CFAP77: variants seen among roughly 807,000 people sequenced by gnomAD.
The protein encoded by CFAP77 is cilia and flagella associated protein 77.
Under a neutral mutation model 31.1 loss-of-function variants are expected in CFAP77, and 25 were observed. The ratio of observed to expected loss-of-function variants is 0.80; its 90% CI spans 0.59 to 1.12. The LOEUF (loss-of-function observed/expected upper bound fraction) is 1.12. Among genes scored for constraint, CFAP77 ranks in the 50% most tolerant of loss-of-function variants. The pLI, the probability that CFAP77 is intolerant of heterozygous loss-of-function variation, is 0.00. For synonymous variants in CFAP77, 151 were observed against 159.9 expected, an observed-to-expected ratio of 0.94 and a Z score of 0.42; for missense variants, 377 against 397.3, an observed-to-expected ratio of 0.95 and a Z score of 0.44.
chr9:132,465,089 A>G (rs934935400), intron 1 of CFAP77, among the ~76,000 whole-genome samples: 42 of 146,644 alleles, frequency 2.9e-4, no homozygotes, highest in East Asian at 1.5e-3. Context: ...AAAAAAAAAA[A>G]AAAAGAAAAA....
chr9:132,445,307 C>A (rs562475078), intron 1 of CFAP77, among the ~76,000 whole-genome samples: 1 of 152,136 alleles, frequency 6.6e-6, no homozygotes. Context: ...ATGAATCTGA[C>A]TACTCTAAGT....
At chr9:132,431,341 A>G (rs991867148) in intron 1 of CFAP77, among the ~76,000 whole-genome samples, 1 of 152,230 alleles carries the variant, frequency 6.6e-6, no homozygotes, top group Admixed American at 6.5e-5. Context: ...GTCAGTCACA[A>G]TGTCCAAGGC....
At chr9:132,469,943 G>A (rs1176604586) in intron 1 of CFAP77, among the ~76,000 whole-genome samples, 5 of 151,124 alleles carry the variant, frequency 3.3e-5, no homozygotes, top group East Asian at 3.9e-4. Flanking sequence ...GGGTTCAAGC[G>A]ATTCTCCTGC....
chr9:132,446,102 A>G lies in CFAP77; in HGVS notation c.195+35636A>G, dbSNP rs145373483. 1.6e-3 allele frequency among the ~76,000 whole-genome samples: 245 copies of G among 152,166 alleles called. 1 individual carries two copies. Among genetic ancestry groups the G allele is most frequent in the African/African-American group, 5.5e-3 (228 of 41,512 alleles). On this transcript the variant is annotated intron_variant, in intron 1 of 5. Transcript: ENST00000393216. The stretch of plus-strand genomic sequence containing the variant: ...CTCATTCTAATGTAATTGTCCTACA[A>G]ATGATGCTGGTGGGGACTTTCCTCA...
chr9:132,464,218 A>AT (rs1384986222), intron 1 of CFAP77, among the ~76,000 whole-genome samples: 1 of 152,172 alleles, frequency 6.6e-6, no homozygotes, highest in African/African-American at 2.4e-5. Flanking sequence ...TAATGAGTGT[A>AT]TTGACAGCCC....
chr9:132,483,539 C>T (rs544452833), intron 1 of CFAP77, among the ~76,000 whole-genome samples: 42 of 152,284 alleles, frequency 2.8e-4, no homozygotes, highest in African/African-American at 3.4e-4. Flanking sequence ...CAGTCCAGAG[C>T]GCTCCTCCTT....
intron 1 of CFAP77, among the ~76,000 whole-genome samples, chr9:132,492,436 A>G (rs1851667457): frequency 1.3e-5 from 2 of 152,200 alleles, no homozygotes; most frequent in Non-Finnish European, 2.9e-5. Context: ...CCTGTTCCAT[A>G]TGAGCCAAAC....
intron 1 of CFAP77, among the ~76,000 whole-genome samples, chr9:132,435,411 T>C (rs1850488855): frequency 6.6e-6 from 1 of 152,254 alleles, no homozygotes. Flanking sequence ...CAGGATGAGC[T>C]ATCACCATGC....
chr9:132,522,068 T>C (rs1347788888), intron 3 of CFAP77, among the ~76,000 whole-genome samples: 1 of 152,090 alleles, frequency 6.6e-6, no homozygotes, highest in African/African-American at 2.4e-5. Flanking sequence ...GGCCCCAGAC[T>C]TGCATTTTTT....
chr9:132,531,632 G>GGT (rs1564242842), intron 3 of CFAP77, among the ~76,000 whole-genome samples: 2 of 147,206 alleles, frequency 1.4e-5, no homozygotes, highest in African/African-American at 4.9e-5. Flanking sequence ...ACATGGGGGG[G>GGT]GGGGCATGGA....
Position 132,499,622 on chromosome 9 carries a change from G to A in CFAP77, c.524+22G>A. 1 of 1,609,974 alleles carries A rather than the reference G, an allele frequency of 6.2e-7. No homozygotes were observed. Reference sequence around the variant, plus strand: ...CACGGTAAGGTGGCTGGCAGCCAGGGCTTCATCCCTTGAGGGGGTGGAGGT... The same window carrying A: ...CACGGTAAGGTGGCTGGCAGCCAGGACTTCATCCCTTGAGGGGGTGGAGGT... On this transcript the variant is annotated intron_variant, in intron 3 of 5. Transcript: ENST00000393216. The surrounding 1 kb of genome is among the most constrained non-coding windows in gnomAD (Gnocchi z 5.4).
At chr9:132,510,153 C>A (rs937088305) in intron 3 of CFAP77, among the ~76,000 whole-genome samples, 3 of 152,172 alleles carry the variant, frequency 2.0e-5, no homozygotes, top group Admixed American at 6.5e-5. Flanking sequence ...CAGGCCCGAA[C>A]CCCATCCATC....
At chr9:132,570,641 T>A (rs1179525804) in intron 5 of CFAP77, among the ~76,000 whole-genome samples, 1 of 152,128 alleles carries the variant, frequency 6.6e-6, no homozygotes, top group Non-Finnish European at 1.5e-5. Flanking sequence ...CCAAAGAGCA[T>A]CCCCAAGGGG....
At chr9:132,521,036 A>G (rs1038002320) in intron 3 of CFAP77, among the ~76,000 whole-genome samples, 1 of 152,238 alleles carries the variant, frequency 6.6e-6, no homozygotes, top group African/African-American at 2.4e-5. Context: ...AGAGCAGCAG[A>G]TCTCCCTGGC....
intron 1 of CFAP77, among the ~76,000 whole-genome samples, chr9:132,444,622 T>C (rs1372704824): frequency 1.3e-5 from 2 of 152,162 alleles, no homozygotes; most frequent in Non-Finnish European, 2.9e-5. Context: ...GGCTGTGGTC[T>C]CCCGAAATCG....
chr9:132,551,500 T>C (rs1474764035), intron 5 of CFAP77, among the ~76,000 whole-genome samples: 1 of 152,194 alleles, frequency 6.6e-6, no homozygotes, highest in East Asian at 1.9e-4. Flanking sequence ...TTTGCCATGT[T>C]GGCCAGGCTG....
intron 1 of CFAP77, among the ~76,000 whole-genome samples, chr9:132,477,187 C>A (rs185173773): frequency 6.6e-6 from 1 of 152,326 alleles, no homozygotes; most frequent in Non-Finnish European, 1.5e-5. Flanking sequence ...CTGAGCTCTG[C>A]CTCTGGCGAT....
chr9:132,446,137 T>C (rs138399472), intron 1 of CFAP77, among the ~76,000 whole-genome samples: 1 of 152,166 alleles, frequency 6.6e-6, no homozygotes, highest in East Asian at 1.9e-4. Flanking sequence ...AGGATCTAGG[T>C]TTGCTCACAG....
intron 1 of CFAP77, among the ~76,000 whole-genome samples, chr9:132,417,085 G>T (rs1850115788): frequency 6.6e-6 from 1 of 151,486 alleles, no homozygotes; most frequent in African/African-American, 2.4e-5. Context: ...CTGTTAAAAT[G>T]ATTCCAGACT....
Sources: allele counts gnomAD v4.1 joint callset (sites outside exome capture counted in the v4.1 genomes callset), GRCh38; gene constraint gnomAD v4.1.1; non-coding constraint Gnocchi (gnomAD v3.1); transcripts MANE v1.5; gene names NCBI Gene and HGNC (gene_info 2026-07-23, HGNC 2026-07-21).